Variants in LRRIQ1 observed in about 807,000 individuals in gnomAD.
LRRIQ1 encodes leucine rich repeats and IQ motif containing 1, also known as leucine-rich repeat- and IQ domain-containing protein 1.
A neutral mutation model predicts 211.9 loss-of-function variants in LRRIQ1; 210 were observed. The ratio of observed to expected loss-of-function variants is 0.99; its 90% CI spans 0.89 to 1.11. LRRIQ1 has a LOEUF of 1.11. Among genes scored for constraint, LRRIQ1 ranks in the 50% most tolerant of loss-of-function variants. LRRIQ1 has a pLI of 0.00. For synonymous variants in LRRIQ1, 699 were observed against 650.1 expected (o/e 1.08, Z -1.14); for missense variants, 2,136 against 1,939.5 (o/e 1.10, Z -1.90).
At chr12:85,117,192 G>C (rs927354908) in intron 15 of LRRIQ1, among the ~76,000 whole-genome samples, 1 of 152,164 alleles carries the variant, frequency 6.6e-6, no homozygotes, top group Admixed American at 6.5e-5. Context: ...CAGTTTGTTA[G>C]ACCTTGGGAA....
chr12:85,189,990 A>G (rs1384287270), intron 24 of LRRIQ1, among the ~76,000 whole-genome samples: 1 of 141,960 alleles, frequency 7.0e-6, no homozygotes, highest in Non-Finnish European at 1.5e-5. Flanking sequence ...ACAGTATATT[A>G]TATTATATAT....
At chr12:85,173,512 G>A (rs1891519352) in intron 24 of LRRIQ1, among the ~76,000 whole-genome samples, 1 of 152,070 alleles carries the variant, frequency 6.6e-6, no homozygotes, top group African/African-American at 2.4e-5. Context: ...GAGGGCTCCT[G>A]TCTTGGATTG....
At chr12:85,117,712 T>C (rs1434582402) in intron 15 of LRRIQ1, among the ~76,000 whole-genome samples, 1 of 152,166 alleles carries the variant, frequency 6.6e-6, no homozygotes. Context: ...TTGAAAAAGG[T>C]CCAGCAACAG....
downstream of LRRIQ1, among the ~76,000 whole-genome samples, chr12:85,246,992 A>C (rs1347417361): frequency 1.3e-5 from 2 of 151,478 alleles, no homozygotes; most frequent in African/African-American, 4.8e-5. Context: ...TTGGGATCAA[A>C]TGCATACGAG....
At position 85,103,984 on chromosome 12, in the gene LRRIQ1, G is replaced by A. The variant is rs1489591570; in HGVS notation, c.3210-20G>A. ...CTTTCCAATTTAGAATTTTGATGAAGTTTTTGTTTTTGTTTTCAGCTTGAC... is the reference window on the plus strand; with the variant it reads ...CTTTCCAATTTAGAATTTTGATGAAATTTTTGTTTTTGTTTTCAGCTTGAC... On this transcript the variant is annotated intron_variant, in intron 13 of 26. Coordinates refer to ENST00000393217, the MANE Select transcript of LRRIQ1 (RefSeq NM_001079910.2). 6 of 1,510,094 alleles carry A rather than the reference G, an allele frequency of 4.0e-6. No homozygotes were observed. The Admixed American group carries it at 7.4e-5, about 19-fold the overall frequency. The allele number at this position is 1,510,094 out of a possible 1,614,324, so 93.5% of individuals were successfully genotyped here.
At chr12:85,126,468 A>T (rs1395569544) in intron 17 of LRRIQ1, among the ~76,000 whole-genome samples, 3 of 152,154 alleles carry the variant, frequency 2.0e-5, no homozygotes, top group Non-Finnish European at 2.9e-5. Context: ...GAAATCCCCT[A>T]ATCCATTTTT....
Position 85,153,952 on chromosome 12 carries a change from G to T in LRRIQ1, c.4638-60G>T, listed in dbSNP as rs1372348186. The T allele has an allele frequency of 2.4e-5, 27 of 1,141,010 alleles. No homozygotes were observed. In the South Asian group the frequency reaches 4.2e-4, roughly 18 times the overall value. The allele number at this position is 1,141,010 out of a possible 1,614,324, so 70.7% of individuals were successfully genotyped here. ...CAGATATGCATGTCTATTTTTATAT[G>T]CATATCTAAATATGATCCGGGTATT... is the stretch of plus-strand genomic sequence containing the variant. On this transcript the variant is annotated intron_variant, in intron 22 of 26. Coordinates refer to ENST00000393217, the MANE Select transcript of LRRIQ1 (RefSeq NM_001079910.2).
chr12:85,271,118 T>C, the LRRIQ1 span, among the ~76,000 whole-genome samples: 1 of 152,214 alleles, frequency 6.6e-6, no homozygotes, highest in South Asian at 2.1e-4. Context: ...AAATTAATCC[T>C]AATTTAAGAA....
intron 12 of LRRIQ1, 87 bp downstream of exon 12, chr12:85,098,635 G>A: frequency 1.8e-6 from 2 of 1,101,496 alleles, no homozygotes; most frequent in East Asian, 2.5e-5. Flanking sequence ...AAGCAATTTT[G>A]AATAATTATT....
At chr12:85,118,273 C>T (rs1225792423) in intron 15 of LRRIQ1, among the ~76,000 whole-genome samples, 2 of 152,082 alleles carry the variant, frequency 1.3e-5, no homozygotes, top group Non-Finnish European at 2.9e-5. Flanking sequence ...TATATGGACT[C>T]ATATTTTCTT....
At chr12:85,222,401 A>T (rs1033980788) in intron 24 of LRRIQ1, among the ~76,000 whole-genome samples, 3 of 152,142 alleles carry the variant, frequency 2.0e-5, no homozygotes, top group African/African-American at 7.2e-5. Flanking sequence ...AAGGATTGAG[A>T]ATAAAAACAT....
In LRRIQ1 at chr12:85,073,066, G is replaced by A; in HGVS notation, c.2855G>A (p.Cys952Tyr). ...ACCTCACTTACAAAAAATTCAGATT[G>A]TAATTTCCTTATCTCCCACTTATAC... ...PITSLTKNSD[C>Y]NFLISHLYWN... The change falls in exon 11 of 27, where the codon TGT becomes TAT. Residue 952 changes from cysteine to tyrosine, a missense_variant. Transcript: ENST00000393217. 5 of 1,607,246 alleles carry A rather than the reference G, an allele frequency of 3.1e-6. No homozygotes were observed. In the South Asian group the frequency reaches 4.4e-5, roughly 14 times the overall value.
intron 26 of LRRIQ1, among the ~76,000 whole-genome samples, chr12:85,243,349 ATT>A (rs1491227862): frequency 1.4e-5 from 2 of 144,372 alleles, no homozygotes; most frequent in African/African-American, 5.2e-5. Flanking sequence ...TATTATTATT[ATT>A]ATACTTTAAG....
At chr12:85,174,329 A>G (rs1409563671) in intron 24 of LRRIQ1, among the ~76,000 whole-genome samples, 3 of 151,966 alleles carry the variant, frequency 2.0e-5, no homozygotes, top group Admixed American at 6.6e-5. Context: ...GGAAAAATAC[A>G]AAATACTAGA....
chr12:85,080,091 ATATACG>A (rs1565814693), intron 11 of LRRIQ1, among the ~76,000 whole-genome samples: 1 of 152,112 alleles, frequency 6.6e-6, no homozygotes, highest in Non-Finnish European at 1.5e-5. Context: ...CCACAAATAC[ATATACG>A]TACGTGTGTG....
At chr12:85,050,431 G>C (rs2135946556) in intron 6 of LRRIQ1, among the ~76,000 whole-genome samples, 1 of 152,238 alleles carries the variant, frequency 6.6e-6, no homozygotes, top group African/African-American at 2.4e-5. Flanking sequence ...TGCATACTCA[G>C]AGAACTTTAT....
intron 11 of LRRIQ1, among the ~76,000 whole-genome samples, chr12:85,094,372 A>G (rs923606649): frequency 3.9e-5 from 6 of 152,170 alleles, no homozygotes; most frequent in South Asian, 2.1e-4. Flanking sequence ...AAATTTCACA[A>G]TAAAGGCAAT....
downstream of LRRIQ1, among the ~76,000 whole-genome samples, chr12:85,246,425 C>G (rs559450263): frequency 1.6e-4 from 24 of 151,110 alleles, no homozygotes; most frequent in Non-Finnish European, 3.0e-4. Flanking sequence ...CACTTTGGAG[C>G]ATTGTAGGTA....
At position 85,066,792 on chromosome 12, in the gene LRRIQ1, C is replaced by CT; in HGVS notation, c.2590dup (p.Cys864LeufsTer6). The CT allele has an allele frequency of 6.3e-7, 1 of 1,599,410 alleles. No individual in the cohort carries two copies. The highest frequency in any genetic ancestry group is 8.5e-7 in the Non-Finnish European group (1 of 1,173,264). On this transcript the variant is annotated frameshift_variant, in exon 10 of 27. Coordinates refer to ENST00000393217, the MANE Select transcript of LRRIQ1 (RefSeq NM_001079910.2). LOFTEE classifies it high-confidence loss of function. ...TTGAGTGTGAAAATTTGGAAAATCT[C>CT]TGTGTTGTTCTTCTTAATAAAAATC...
Sources: gnomAD v4.1 joint callset for allele counts (sites outside exome capture counted in the v4.1 genomes callset) on GRCh38, gnomAD v4.1.1 for gene constraint, MANE v1.5 for transcripts, NCBI Gene and HGNC (gene_info 2026-07-23, HGNC 2026-07-21) for gene names.